The following LITAF variants were observed in gnomAD, a reference collection of about 807,000 sequenced individuals.
The protein encoded by LITAF is lipopolysaccharide induced TNF factor, also known as lipopolysaccharide-induced tumor necrosis factor-alpha factor.
Under a neutral mutation model 14.5 loss-of-function variants are expected in LITAF, and 9 were observed. The ratio of observed to expected loss-of-function variants is 0.62; its 90% CI spans 0.37 to 1.08. The LOEUF (loss-of-function observed/expected upper bound fraction) is 1.08, where lower values mean the gene tolerates loss of function less well. Ranked by LOEUF, LITAF falls within the 50% of genes least tolerant of loss-of-function variation. The probability of loss-of-function intolerance (pLI) is 0.01; values close to 1 mark genes in which losing one functional copy is unlikely to be tolerated. For missense variants in LITAF, 206 were observed against 213.4 expected, an observed-to-expected ratio of 0.97 and a Z score of 0.22; for synonymous variants, 98 against 88.2, an observed-to-expected ratio of 1.11 and a Z score of -0.62.
intron 3 of LITAF, among the ~76,000 whole-genome samples, chr16:11,616,151 T>G (rs765280931): frequency 4.5e-4 from 69 of 152,262 alleles, no homozygotes; most frequent in Non-Finnish European, 7.2e-4. Flanking sequence ...TATGCTCCTG[T>G]GCATCTGGCT....
At chr16:11,585,695 G>A (rs898395849) in intron 1 of LITAF, among the ~76,000 whole-genome samples, 4 of 152,314 alleles carry the variant, frequency 2.6e-5, no homozygotes, top group Admixed American at 6.5e-5. Context: ...ACACATTAAG[G>A]CAAATCATGG....
rs571659824 is a variant in LITAF, at chr16:11,622,328, C to T, written c.85+11205G>A. Among the ~76,000 whole-genome samples, 22 of 152,362 alleles carry T rather than the reference C, an allele frequency of 1.4e-4. No homozygotes were observed. In the East Asian group the frequency reaches 2.7e-3, roughly 19 times the overall value. ...AAACACACAGACCCCAAGCCGCCTG[C>T]GGCCTCCCCCTGCTCCCTGGGTGGG... On this transcript the variant is annotated intron_variant, in intron 3 of 3. Coordinates refer to the LITAF transcript ENST00000574848.
chr16:11,621,494 C>T (rs747223325), intron 3 of LITAF, among the ~76,000 whole-genome samples: 26 of 152,314 alleles, frequency 1.7e-4, no homozygotes, highest in Non-Finnish European at 2.5e-4. Flanking sequence ...CATGAGCCAC[C>T]GCTCCTGGCC....
Position 11,605,710 on chromosome 16 carries a change from G to C in LITAF, c.85+27823C>G, listed in dbSNP as rs997775664. Reference sequence around the variant, plus strand: ...GAGGCCAGGAGTTCGAAGCTGCAGTGAGCTATGATTGCACCACTGCACTCT... The same window carrying C: ...GAGGCCAGGAGTTCGAAGCTGCAGTCAGCTATGATTGCACCACTGCACTCT... On this transcript the variant is annotated intron_variant, in intron 3 of 3. Coordinates refer to the LITAF transcript ENST00000574848. This position sits in a 1 kb window ranked among gnomAD's most constrained non-coding sequence, Gnocchi z 4.7. 3.0e-4 allele frequency among the ~76,000 whole-genome samples: 45 copies of C among 152,172 alleles called. No homozygotes were observed. The highest frequency in any genetic ancestry group is 2.9e-3 in the Admixed American group (45 of 15,274).
At position 11,553,967 on chromosome 16, in the gene LITAF, A is replaced by C. The variant is rs563773818; in HGVS notation, c.221-278T>G. Among the ~76,000 whole-genome samples, 1 of 152,192 alleles carries C rather than the reference A, an allele frequency of 6.6e-6. No individual in the cohort carries two copies. Among genetic ancestry groups the C allele is most frequent in the Non-Finnish European group, 1.5e-5 (1 of 68,042 alleles). On this transcript the variant is annotated intron_variant, in intron 2 of 3. Transcript: ENST00000622633. This position sits in a 1 kb window ranked among gnomAD's most constrained non-coding sequence, Gnocchi z 7.7. Reference sequence around the variant, plus strand: ...AAAGGAGGACCGGGCGCGGTAGCTCATGCCTGTAATCCCAACACTTTGGGA... The same window carrying C: ...AAAGGAGGACCGGGCGCGGTAGCTCCTGCCTGTAATCCCAACACTTTGGGA...
At position 11,605,587 on chromosome 16, in the gene LITAF, A is replaced by G. The variant is rs1323549008; in HGVS notation, c.85+27946T>C. ...GGGAAAAAGAGAAATGAAAAGAAAA[A>G]GAATTGAGATGGGACAAGGAGTGAG... On this transcript the variant is annotated intron_variant, in intron 3 of 3. Coordinates refer to the LITAF transcript ENST00000574848. This position sits in a 1 kb window ranked among gnomAD's most constrained non-coding sequence, Gnocchi z 4.7. Among the ~76,000 whole-genome samples, 2 of 152,194 alleles carry G rather than the reference A, an allele frequency of 1.3e-5. No individual in the cohort carries two copies. Among genetic ancestry groups the G allele is most frequent in the East Asian group, 1.9e-4 (1 of 5,196 alleles).
chr16:11,602,278 C>T (rs552835568), upstream of LITAF, among the ~76,000 whole-genome samples: 4 of 152,062 alleles, frequency 2.6e-5, no homozygotes, highest in South Asian at 8.3e-4. Flanking sequence ...ATTGCTTGAG[C>T]CCGGGAGGCG....
chr16:11,595,255 A>G (rs1443989790), intron 1 of LITAF, among the ~76,000 whole-genome samples: 1 of 152,212 alleles, frequency 6.6e-6, no homozygotes, highest in Non-Finnish European at 1.5e-5. Flanking sequence ...GGGGAGCCTG[A>G]GGCCAGGAGG....
intron 1 of LITAF, among the ~76,000 whole-genome samples, chr16:11,594,696 T>C (rs4781124): frequency 0.75 from 113,957 of 151,638 alleles, 43,934 homozygotes; most frequent in African/African-American, 0.93. Context: ...GTCAGCATAG[T>C]GAAACCCTGT....
At chr16:11,571,632 C>T (rs2064542532) in intron 1 of LITAF, among the ~76,000 whole-genome samples, 1 of 152,176 alleles carries the variant, frequency 6.6e-6, no homozygotes, top group Admixed American at 6.6e-5. Context: ...TCTGTCTGCC[C>T]GCCCTGGGCT....
chr16:11,619,997 A>C (rs899243531), intron 3 of LITAF, among the ~76,000 whole-genome samples: 6 of 151,546 alleles, frequency 4.0e-5, no homozygotes, highest in Non-Finnish European at 2.9e-5. Flanking sequence ...GTGAAACCCT[A>C]TCTCTACTAA....
chr16:11,638,688 C>A (rs2065152560), upstream of LITAF, among the ~76,000 whole-genome samples: 1 of 105,292 alleles, frequency 9.5e-6, no homozygotes, highest in Non-Finnish European at 1.9e-5. Flanking sequence ...GCCGACAGAG[C>A]AAGACTCTGT....
At chr16:11,601,351 C>G (rs1009421531), upstream of LITAF, among the ~76,000 whole-genome samples, 1 of 151,620 alleles carries the variant, frequency 6.6e-6, no homozygotes, top group Non-Finnish European at 1.5e-5. Context: ...GGGGCTACCA[C>G]AATTAGACCC....
chr16:11,593,017 A>C (rs1270359413), intron 1 of LITAF, among the ~76,000 whole-genome samples: 1 of 152,042 alleles, frequency 6.6e-6, no homozygotes, highest in Non-Finnish European at 1.5e-5. Flanking sequence ...AAAAATACAA[A>C]AAAATTAGCC....
At chr16:11,570,889 G>C (rs1328302327) in intron 1 of LITAF, among the ~76,000 whole-genome samples, 1 of 152,028 alleles carries the variant, frequency 6.6e-6, no homozygotes, top group Non-Finnish European at 1.5e-5. Flanking sequence ...CTACACTCCA[G>C]CCTGGGCAAC....
chr16:11,618,625 C>T (rs559426122), intron 3 of LITAF, among the ~76,000 whole-genome samples: 30 of 152,268 alleles, frequency 2.0e-4, no homozygotes, highest in Non-Finnish European at 3.7e-4. Context: ...CCATTGTCCC[C>T]GCCTCCCAGT....
upstream of LITAF, among the ~76,000 whole-genome samples, chr16:11,639,234 T>G: frequency 1.3e-5 from 2 of 150,356 alleles, no homozygotes; most frequent in Non-Finnish European, 1.5e-5. Flanking sequence ...GAGAGAGGGA[T>G]GGATGGATAA....
intron 3 of LITAF, among the ~76,000 whole-genome samples, chr16:11,625,778 G>T: frequency 6.6e-6 from 1 of 152,040 alleles, no homozygotes; most frequent in East Asian, 1.9e-4. Flanking sequence ...GTGTGCCCGC[G>T]CTGGAGACAG....
At chr16:11,608,523 C>T (rs1463335960) in intron 3 of LITAF, among the ~76,000 whole-genome samples, 2 of 152,210 alleles carry the variant, frequency 1.3e-5, no homozygotes, top group Admixed American at 6.5e-5. Flanking sequence ...CCCAAATGTC[C>T]GTCGACAGAC....
Sources: gnomAD v4.1 joint callset for allele counts (sites outside exome capture counted in the v4.1 genomes callset) on GRCh38, gnomAD v4.1.1 for gene constraint, Gnocchi (gnomAD v3.1) non-coding constraint, MANE v1.5 for transcripts, NCBI Gene and HGNC (gene_info 2026-07-23, HGNC 2026-07-21) for gene names.